Variants in LRP1B observed in about 807,000 individuals in gnomAD.
LRP1B encodes the protein low-density lipoprotein receptor-related protein 1B.
In LRP1B, 217 loss-of-function variants were observed where a neutral mutation model predicts 556.6. That is an observed-to-expected ratio of 0.39 (90% CI 0.35 to 0.44). The LOEUF (loss-of-function observed/expected upper bound fraction) is 0.44. LRP1B is among the 20% of genes least tolerant of loss of function. The pLI, the probability that LRP1B is intolerant of heterozygous loss-of-function variation, is 1.00. For missense variants in LRP1B, 5,053 were observed against 5,620.8 expected (o/e 0.90, Z 3.23); for synonymous variants, 2,047 against 1,865.8 (o/e 1.10, Z -2.50).
intron 68 of LRP1B, among the ~76,000 whole-genome samples, chr2:140,375,228 T>C (rs1468578799): frequency 6.7e-6 from 1 of 149,588 alleles, no homozygotes; most frequent in African/African-American, 2.4e-5. Context: ...TTACAGTCGT[T>C]TTTCTTTCTA....
intron 41 of LRP1B, among the ~76,000 whole-genome samples, chr2:140,637,478 A>G (rs1199548968): frequency 1.3e-5 from 2 of 152,186 alleles, no homozygotes; most frequent in African/African-American, 4.8e-5. Context: ...GTGTATTTTC[A>G]TACATTAGAA....
chr2:140,241,522 G>C (rs1558919830), intron 87 of LRP1B, among the ~76,000 whole-genome samples: 2 of 150,880 alleles, frequency 1.3e-5, no homozygotes, highest in East Asian at 2.0e-4. Context: ...GTAGGAAGCT[G>C]TTAATTAAGT....
At chr2:141,517,065 C>A (rs1310470297) in intron 2 of LRP1B, among the ~76,000 whole-genome samples, 2 of 132,942 alleles carry the variant, frequency 1.5e-5, no homozygotes, top group African/African-American at 2.7e-5. Flanking sequence ...TTATTATTTT[C>A]TTAAGTAGAA....
chr2:141,282,016 A>C (rs1685527015), intron 3 of LRP1B, among the ~76,000 whole-genome samples: 1 of 152,108 alleles, frequency 6.6e-6, no homozygotes, highest in Admixed American at 6.5e-5. Flanking sequence ...ACTTTTCTAA[A>C]AATATATATT....
chr2:141,490,280 T>C (rs1483936740), intron 2 of LRP1B, among the ~76,000 whole-genome samples: 1 of 152,050 alleles, frequency 6.6e-6, no homozygotes, highest in African/African-American at 2.4e-5. Context: ...TATGTATTAT[T>C]ATGAATATAA....
At chr2:141,549,345 A>G (rs1158802924) in intron 2 of LRP1B, among the ~76,000 whole-genome samples, 1 of 152,160 alleles carries the variant, frequency 6.6e-6, no homozygotes, top group Non-Finnish European at 1.5e-5. Context: ...ACTGTTAGCT[A>G]ATTTTCAGAT....
At chr2:140,286,233 A>C (rs2104976632) in intron 84 of LRP1B, among the ~76,000 whole-genome samples, 1 of 151,616 alleles carries the variant, frequency 6.6e-6, no homozygotes, top group South Asian at 2.1e-4. Flanking sequence ...TAGCTTTAAA[A>C]CCCCTAAGCA....
At chr2:140,874,990 C>G (rs576299073) in intron 25 of LRP1B, among the ~76,000 whole-genome samples, 1 of 151,436 alleles carries the variant, frequency 6.6e-6, no homozygotes, top group Non-Finnish European at 1.5e-5. Flanking sequence ...TGCCCTATAC[C>G]CTGTGCAACA....
chr2:140,784,464 T>G (rs1023451427), intron 32 of LRP1B, among the ~76,000 whole-genome samples: 4 of 148,480 alleles, frequency 2.7e-5, no homozygotes, highest in African/African-American at 9.9e-5. Context: ...TTATCATTAC[T>G]TAAGGTCTCC....
At chr2:140,422,559 A>C (rs6430899) in intron 66 of LRP1B, among the ~76,000 whole-genome samples, 1 of 152,192 alleles carries the variant, frequency 6.6e-6, no homozygotes, top group Admixed American at 6.5e-5. Flanking sequence ...AGATGAAACA[A>C]AATGGAATAA....
intron 2 of LRP1B, among the ~76,000 whole-genome samples, chr2:141,753,171 C>T (rs545300341): frequency 1.2e-3 from 169 of 144,520 alleles, no homozygotes; most frequent in African/African-American, 4.2e-3. Context: ...TCGCTTGAAC[C>T]TGGGAGGGGG....
chr2:141,768,542 A>C (rs1694800267), intron 2 of LRP1B, among the ~76,000 whole-genome samples: 1 of 152,126 alleles, frequency 6.6e-6, no homozygotes. Flanking sequence ...AATTTAAATT[A>C]TTGCTCTCTG....
At chr2:141,978,616 TTCCAGAGC>T (rs1701954887) in intron 1 of LRP1B, among the ~76,000 whole-genome samples, 1 of 151,968 alleles carries the variant, frequency 6.6e-6, no homozygotes, top group African/African-American at 2.4e-5. Context: ...TTCTTGAAGC[TTCCAGAGC>T]CATTAATAAA....
chr2:141,330,746 ACTTTTTT>A (rs1303219845), intron 3 of LRP1B, among the ~76,000 whole-genome samples: 1 of 131,636 alleles, frequency 7.6e-6, no homozygotes, highest in African/African-American at 3.0e-5. Flanking sequence ...TGGCTAACAA[ACTTTTTT>A]TTTTTTTTTT....
chr2:140,311,766 C>G (rs1449483153), intron 83 of LRP1B, among the ~76,000 whole-genome samples: 1 of 151,708 alleles, frequency 6.6e-6, no homozygotes, highest in Non-Finnish European at 1.5e-5. Context: ...AGCTAGGATG[C>G]AAAGATTGAT....
intron 18 of LRP1B, among the ~76,000 whole-genome samples, chr2:140,958,917 G>C (rs1415261633): frequency 6.6e-6 from 1 of 151,588 alleles, no homozygotes; most frequent in Non-Finnish European, 1.5e-5. Flanking sequence ...GTTAGGTAGA[G>C]ACAGAGGAAC....
chr2:141,034,922 G>A (rs1054545126), intron 11 of LRP1B, among the ~76,000 whole-genome samples: 36 of 151,936 alleles, frequency 2.4e-4, no homozygotes, highest in African/African-American at 7.3e-4. Flanking sequence ...GTTTATTGCG[G>A]CACTATTCAC....
intron 1 of LRP1B, among the ~76,000 whole-genome samples, chr2:142,013,154 A>AAT (rs776347237): frequency 6.6e-5 from 10 of 152,190 alleles, no homozygotes; most frequent in Non-Finnish European, 1.3e-4. Context: ...CAGTTCATTT[A>AAT]ATTTATATGG....
chr2:141,753,263 C>CAAATATATATATATATATATATATATAT (rs1553459356), intron 2 of LRP1B, among the ~76,000 whole-genome samples: 1 of 62,502 alleles, frequency 1.6e-5, no homozygotes, highest in Non-Finnish European at 3.4e-5. Flanking sequence ...TCTCTCTCTC[C>CAAATATATATATATATATATATATATAT]ATATATATAT....
Sources: gnomAD v4.1 joint callset for allele counts (sites outside exome capture counted in the v4.1 genomes callset) on GRCh38, gnomAD v4.1.1 for gene constraint, MANE v1.5 for transcripts, NCBI Gene and HGNC (gene_info 2026-07-23, HGNC 2026-07-21) for gene names.